The following DLEU7 variants were observed in gnomAD, a reference collection of about 807,000 sequenced individuals.
DLEU7 encodes deleted in lymphocytic leukemia 7, also known as leukemia-associated protein 7.
Under a neutral mutation model 16.0 loss-of-function variants are expected in DLEU7, and 17 were observed. The observed-to-expected ratio is 1.06, with a 90% CI of 0.73 to 1.59. The LOEUF is 1.59. DLEU7 is among the 40% of genes most tolerant of loss of function. The pLI is 0.00. For synonymous variants in DLEU7, 113 were observed against 139.8 expected, an observed-to-expected ratio of 0.81 and a Z score of 1.35; for missense variants, 308 against 314.9, an observed-to-expected ratio of 0.98 and a Z score of 0.17.
chr13:50,799,353 C>CTTGTA (rs1479171607), intron 1 of DLEU7, among the ~76,000 whole-genome samples: 1 of 152,112 alleles, frequency 6.6e-6, no homozygotes, highest in Non-Finnish European at 1.5e-5. Flanking sequence ...ATGTGGATTT[C>CTTGTA]TTGTATTCTA....
At chr13:50,839,655 T>C (rs1877584129) in intron 1 of DLEU7, among the ~76,000 whole-genome samples, 1 of 152,172 alleles carries the variant, frequency 6.6e-6, no homozygotes, top group African/African-American at 2.4e-5. Context: ...CTTTGGGTCA[T>C]CCTAAGTCTG....
chr13:50,733,051 C>G (rs1346853320), intron 1 of DLEU7, among the ~76,000 whole-genome samples: 1 of 152,214 alleles, frequency 6.6e-6, no homozygotes, highest in African/African-American at 2.4e-5. Context: ...CACACACACA[C>G]AGTTGACTAC....
chr13:50,814,774 G>A lies in DLEU7; in HGVS notation c.459+28414C>T, dbSNP rs539326072. On this transcript the variant is annotated intron_variant, in intron 1 of 1. Coordinates refer to the DLEU7 transcript ENST00000400393. ...TGTATTCATGTGAGTGTGTGTGTGT[G>A]TGTGTGTGTGTGTAGTTCTATGCAA... 6.3e-4 allele frequency among the ~76,000 whole-genome samples: 95 copies of A among 150,146 alleles called. 1 individual carries two copies. Among genetic ancestry groups the A allele is most frequent in the African/African-American group, 2.2e-3 (91 of 40,922 alleles).
chr13:50,806,812 A>T (rs1876402210), intron 1 of DLEU7, among the ~76,000 whole-genome samples: 3 of 151,988 alleles, frequency 2.0e-5, no homozygotes, highest in Admixed American at 6.6e-5. Flanking sequence ...TCAGAATTTC[A>T]GAAGTCTGTA....
chr13:50,737,619 A>T (rs1477084825), intron 1 of DLEU7, among the ~76,000 whole-genome samples: 5 of 152,136 alleles, frequency 3.3e-5, no homozygotes, highest in Non-Finnish European at 7.4e-5. Context: ...ACCATAAGCC[A>T]TGCCCATAGA....
In DLEU7 at chr13:50,830,789, A is replaced by G. The variant is rs9563003; in HGVS notation, c.460-7269T>C. Among the ~76,000 whole-genome samples the G allele has an allele frequency of 5.6e-4, 86 of 152,276 alleles. No homozygotes were observed. In the East Asian group the frequency reaches 0.016, roughly 29 times the overall value. On this transcript the variant is annotated intron_variant, in intron 1 of 1. Transcript: ENST00000504404. ...CCCACATGGCACAGGGACTTTGCAG[A>G]TGTTACTTAGAATGGGAAGCTCTCC... is the stretch of plus-strand genomic sequence containing the variant.
At chr13:50,737,323 A>G (rs768545728) in intron 1 of DLEU7, among the ~76,000 whole-genome samples, 10 of 152,194 alleles carry the variant, frequency 6.6e-5, no homozygotes, top group Non-Finnish European at 1.0e-4. Context: ...TCAGTTTAAC[A>G]TTTGAAATTT....
chr13:50,749,617 T>A (rs1243372726), intron 1 of DLEU7, among the ~76,000 whole-genome samples: 1 of 152,214 alleles, frequency 6.6e-6, no homozygotes, highest in Admixed American at 6.5e-5. Flanking sequence ...TGATTTTTTT[T>A]TATTATGGCC....
chr13:50,801,820 G>A (rs1334743188), intron 1 of DLEU7, among the ~76,000 whole-genome samples: 1 of 152,096 alleles, frequency 6.6e-6, no homozygotes. Flanking sequence ...TTCCATGGTA[G>A]TGTTATTAAT....
chr13:50,736,850 T>C (rs928949575), intron 1 of DLEU7, among the ~76,000 whole-genome samples: 1 of 151,464 alleles, frequency 6.6e-6, no homozygotes, highest in Admixed American at 6.6e-5. Context: ...TTACTACAGA[T>C]CCTACAAATA....
At chr13:50,747,854 A>G (rs1593539585) in intron 1 of DLEU7, among the ~76,000 whole-genome samples, 1 of 152,180 alleles carries the variant, frequency 6.6e-6, no homozygotes, top group Non-Finnish European at 1.5e-5. Flanking sequence ...TTATCCCCCA[A>G]TGTAGTTTTT....
chr13:50,757,388 G>A (rs1874794442), intron 1 of DLEU7, among the ~76,000 whole-genome samples: 1 of 152,126 alleles, frequency 6.6e-6, no homozygotes, highest in African/African-American at 2.4e-5. Context: ...ATCTTCTCTG[G>A]TCATAATTCT....
At chr13:50,832,754 G>A (rs1052346151) in intron 1 of DLEU7, among the ~76,000 whole-genome samples, 1 of 152,192 alleles carries the variant, frequency 6.6e-6, no homozygotes, top group Admixed American at 6.5e-5. Flanking sequence ...CAGTCATTCA[G>A]GAGCCAGTTG....
upstream of DLEU7, chr13:50,843,764 C>T: frequency 7.4e-7 from 1 of 1,360,490 alleles, no homozygotes; most frequent in Non-Finnish European, 9.7e-7. The surrounding 1 kb of genome is among the most constrained non-coding windows in gnomAD (Gnocchi z 5.7). Flanking sequence ...GCCTCTGGGT[C>T]TCACAGCGTG....
intron 1 of DLEU7, among the ~76,000 whole-genome samples, chr13:50,734,445 TTTG>T (rs1874008081): frequency 6.6e-6 from 1 of 152,138 alleles, no homozygotes. Context: ...GATCTAGTTT[TTTG>T]TTATTTCCAT....
At chr13:50,744,045 G>T (rs1449923165) in intron 1 of DLEU7, among the ~76,000 whole-genome samples, 3 of 152,138 alleles carry the variant, frequency 2.0e-5, no homozygotes, top group Non-Finnish European at 4.4e-5. Context: ...AGACTGGAAG[G>T]CTAGAGGAAG....
At chr13:50,715,241 T>C (rs1341629134) in intron 1 of DLEU7, among the ~76,000 whole-genome samples, 1 of 152,158 alleles carries the variant, frequency 6.6e-6, no homozygotes, top group Non-Finnish European at 1.5e-5. Context: ...TTTTAAAGGA[T>C]CATGTAATTA....
At chr13:50,814,678 TAC>T (rs59737244) in intron 1 of DLEU7, among the ~76,000 whole-genome samples, 4,175 of 140,228 alleles carry the variant, frequency 0.03, 207 homozygotes, top group African/African-American at 0.098. Flanking sequence ...TACATAGAAC[TAC>T]ACACACACAC....
chr13:50,804,861 T>C (rs991619668), intron 1 of DLEU7, among the ~76,000 whole-genome samples: 1 of 147,270 alleles, frequency 6.8e-6, no homozygotes, highest in East Asian at 2.0e-4. Context: ...TATTTTAATA[T>C]AGGAAGGATG....
Sources: allele counts gnomAD v4.1 joint callset (sites outside exome capture counted in the v4.1 genomes callset), GRCh38; gene constraint gnomAD v4.1.1; non-coding constraint Gnocchi (gnomAD v3.1); transcripts MANE v1.5; gene names NCBI Gene and HGNC (gene_info 2026-07-23, HGNC 2026-07-21).